The following CHCHD6 variants were observed in gnomAD, a reference collection of about 807,000 sequenced individuals.
CHCHD6 encodes MICOS complex subunit MIC25.
A neutral mutation model predicts 32.3 loss-of-function variants in CHCHD6; 28 were observed. The ratio of observed to expected loss-of-function variants is 0.87; its 90% CI spans 0.64 to 1.19. The LOEUF (loss-of-function observed/expected upper bound fraction) is 1.19, where lower values mean the gene tolerates loss of function less well. Among genes scored for constraint, CHCHD6 ranks in the 50% most tolerant of loss-of-function variants. The pLI, the probability that CHCHD6 is intolerant of heterozygous loss-of-function variation, is 0.00. For synonymous variants in CHCHD6, 122 were observed against 117.5 expected (o/e 1.04, Z -0.25); for missense variants, 333 against 307.0 (o/e 1.08, Z -0.63).
chr3:126,949,454 G>T (rs1423714115), intron 6 of CHCHD6: 4 of 217,570 alleles, frequency 1.8e-5, no homozygotes, highest in Non-Finnish European at 3.7e-5. Flanking sequence ...CTCCTGCTGT[G>T]GACGAAAGGG....
chr3:126,728,005 A>T (rs1369143820), intron 2 of CHCHD6, among the ~76,000 whole-genome samples: 2 of 151,472 alleles, frequency 1.3e-5, no homozygotes, highest in African/African-American at 2.4e-5. Context: ...TGGAGGCAGC[A>T]TGCCACCACG....
chr3:126,895,291 A>G (rs2077822433), intron 5 of CHCHD6, among the ~76,000 whole-genome samples: 1 of 152,206 alleles, frequency 6.6e-6, no homozygotes, highest in Non-Finnish European at 1.5e-5. Context: ...TAGCGGAAGG[A>G]AAGGATTCCT....
At chr3:126,754,186 G>GT (rs1936854565) in intron 4 of CHCHD6, among the ~76,000 whole-genome samples, 1 of 152,204 alleles carries the variant, frequency 6.6e-6, no homozygotes, top group Non-Finnish European at 1.5e-5. Flanking sequence ...AATCTCATCT[G>GT]TGTTACTGAA....
At chr3:126,864,197 C>G (rs1190919273) in intron 5 of CHCHD6, among the ~76,000 whole-genome samples, 2 of 150,500 alleles carry the variant, frequency 1.3e-5, no homozygotes, top group African/African-American at 4.9e-5. Context: ...CCTCCTCCAC[C>G]ATCACCACCT....
At chr3:126,746,419 G>A (rs550427521) in intron 4 of CHCHD6, among the ~76,000 whole-genome samples, 2 of 152,228 alleles carry the variant, frequency 1.3e-5, no homozygotes, top group East Asian at 3.9e-4. Context: ...TGTGTGTAGT[G>A]GTTCCCAGGA....
intron 5 of CHCHD6, among the ~76,000 whole-genome samples, chr3:126,910,295 A>AAAAAACAAAAAAAC: frequency 1.3e-5 from 2 of 151,800 alleles, no homozygotes; most frequent in African/African-American, 4.8e-5. Context: ...AACAAAAAAA[A>AAAAAACAAAAAAAC]CAAATCTTCC....
At chr3:126,758,612 A>G (rs971965144) in intron 4 of CHCHD6, among the ~76,000 whole-genome samples, 2 of 152,212 alleles carry the variant, frequency 1.3e-5, no homozygotes, top group Non-Finnish European at 2.9e-5. Context: ...TTTTGTGTCT[A>G]TTAAGCCAGT....
intron 5 of CHCHD6, among the ~76,000 whole-genome samples, chr3:126,893,101 T>C (rs1345314902): frequency 6.6e-6 from 1 of 151,936 alleles, no homozygotes; most frequent in East Asian, 1.9e-4. Flanking sequence ...CCCAAGTAGC[T>C]GGGATTACAG....
intron 6 of CHCHD6, among the ~76,000 whole-genome samples, chr3:126,931,109 G>A (rs764279412): frequency 6.6e-6 from 1 of 152,206 alleles, no homozygotes; most frequent in Non-Finnish European, 1.5e-5. Flanking sequence ...TGGTGGAGCA[G>A]GGCGCCAAGG....
intron 4 of CHCHD6, among the ~76,000 whole-genome samples, chr3:126,785,247 C>T (rs1938139520): frequency 6.6e-6 from 1 of 152,140 alleles, no homozygotes; most frequent in African/African-American, 2.4e-5. Flanking sequence ...GCCAATAACA[C>T]TTTTCTAGGT....
At position 126,915,214 on chromosome 3, in the gene CHCHD6, G is replaced by A. The variant is rs922864647; in HGVS notation, c.566+464G>A. On this transcript the variant is annotated intron_variant, in intron 6 of 7. Transcript: ENST00000290913. ...CCTGTGCGCAGTCATGCTCGGGGTGGCCCACACTTCATGCCCAGAGGAACT... is the reference window on the plus strand; with the variant it reads ...CCTGTGCGCAGTCATGCTCGGGGTGACCCACACTTCATGCCCAGAGGAACT... Among the ~76,000 whole-genome samples the A allele has an allele frequency of 4.6e-5, 7 of 152,340 alleles. No homozygotes were observed. The East Asian group carries it at 9.6e-4, about 21-fold the overall frequency.
chr3:126,879,669 T>G (rs1042486439), intron 5 of CHCHD6, among the ~76,000 whole-genome samples: 8 of 152,212 alleles, frequency 5.3e-5, no homozygotes, highest in Non-Finnish European at 1.2e-4. Flanking sequence ...GAGAGCAGCA[T>G]CATTACTGGG....
rs371427038 is a variant in CHCHD6, at chr3:126,882,552, A to G, written c.495+29822A>G. Among the ~76,000 whole-genome samples, 11 of 152,334 alleles carry G rather than the reference A, an allele frequency of 7.2e-5. No homozygotes were observed. The East Asian group carries it at 1.9e-3, about 27-fold the overall frequency. The stretch of plus-strand genomic sequence containing the variant: ...GAATCATCTGTTGATGATAATAATC[A>G]TGATAGCTGCAATTCATTTAACACC... On this transcript the variant is annotated intron_variant, in intron 5 of 7. Transcript: ENST00000290913.
At chr3:126,761,973 T>C (rs1213320983) in intron 4 of CHCHD6, among the ~76,000 whole-genome samples, 1 of 152,224 alleles carries the variant, frequency 6.6e-6, no homozygotes, top group Non-Finnish European at 1.5e-5. Context: ...CCTTTTTATT[T>C]CTGTAGAGTC....
chr3:126,778,967 A>G (rs914069979), intron 4 of CHCHD6, among the ~76,000 whole-genome samples: 4 of 144,500 alleles, frequency 2.8e-5, no homozygotes, highest in East Asian at 2.0e-4. Context: ...GGGTCTCACT[A>G]TGTTGCCTAG....
intron 1 of CHCHD6, among the ~76,000 whole-genome samples, chr3:126,717,929 A>G (rs929733502): frequency 6.6e-6 from 1 of 152,032 alleles, no homozygotes. Flanking sequence ...AGGGGAGGAG[A>G]GAGAGTCTCT....
intron 4 of CHCHD6, chr3:126,767,247 TG>T: frequency 7.0e-7 from 1 of 1,434,242 alleles, no homozygotes; most frequent in Non-Finnish European, 9.8e-7. Context: ...TGTGCGGGGC[TG>T]GGGATAGTGT....
At chr3:126,744,598 G>A (rs1936416144) in intron 4 of CHCHD6, among the ~76,000 whole-genome samples, 1 of 152,204 alleles carries the variant, frequency 6.6e-6, no homozygotes, top group Admixed American at 6.5e-5. Flanking sequence ...TAAAGTGGAA[G>A]TGTATTCTTC....
chr3:126,791,283 A>G (rs1026473812), intron 4 of CHCHD6, among the ~76,000 whole-genome samples: 7 of 152,196 alleles, frequency 4.6e-5, no homozygotes, highest in African/African-American at 1.7e-4. Context: ...GACCCACTTG[A>G]GGAGGCAGTC....
Sources: allele counts gnomAD v4.1 joint callset (sites outside exome capture counted in the v4.1 genomes callset), GRCh38; gene constraint gnomAD v4.1.1; transcripts MANE v1.5; gene names NCBI Gene and HGNC (gene_info 2026-07-23, HGNC 2026-07-21).